The following TMEM156 variants were observed in gnomAD, a reference collection of about 807,000 sequenced individuals.
TMEM156 encodes the protein transmembrane protein 156.
TMEM156 carries 28 observed loss-of-function variants against 30.5 expected under a neutral mutation model. The ratio of observed to expected loss-of-function variants is 0.92; its 90% CI spans 0.68 to 1.26. The LOEUF (loss-of-function observed/expected upper bound fraction) is 1.26. Ranked by LOEUF, TMEM156 falls within the 50% of genes most tolerant of loss-of-function variation. TMEM156 has a pLI of 0.00. For missense variants in TMEM156, 351 were observed against 340.6 expected (o/e 1.03, Z -0.24); for synonymous variants, 137 against 119.9 (o/e 1.14, Z -0.93).
chr4:39,013,576 A>G (rs1342536065), intron 1 of TMEM156, among the ~76,000 whole-genome samples: 1 of 151,476 alleles, frequency 6.6e-6, no homozygotes, highest in Non-Finnish European at 1.5e-5. Context: ...AATTTTTTGT[A>G]TTTTAATAGA....
chr4:38,985,531 T>C (rs1363778805), intron 5 of TMEM156, among the ~76,000 whole-genome samples: 2 of 152,228 alleles, frequency 1.3e-5, no homozygotes, highest in African/African-American at 4.8e-5. Context: ...GGTGGGGGAC[T>C]GGAGGTTTGC....
chr4:38,969,410 G>A (rs932358365), intron 6 of TMEM156, among the ~76,000 whole-genome samples: 3 of 152,122 alleles, frequency 2.0e-5, no homozygotes, highest in Admixed American at 1.3e-4. Flanking sequence ...CATATGGCAC[G>A]ATTTCATTTT....
At chr4:38,987,804 A>G (rs1321104254) in intron 4 of TMEM156, among the ~76,000 whole-genome samples, 1 of 152,218 alleles carries the variant, frequency 6.6e-6, no homozygotes, top group Non-Finnish European at 1.5e-5. Context: ...TTAATGTCAC[A>G]TAGCTAGTAA....
At chr4:39,028,825 A>G (rs1560389974) in intron 1 of TMEM156, among the ~76,000 whole-genome samples, 1 of 152,254 alleles carries the variant, frequency 6.6e-6, no homozygotes, top group Non-Finnish European at 1.5e-5. Context: ...AAACCATTAT[A>G]TTAACTACTA....
chr4:38,987,865 C>T (rs1712114364), intron 4 of TMEM156, among the ~76,000 whole-genome samples: 1 of 152,062 alleles, frequency 6.6e-6, no homozygotes. Context: ...AGTGCCTATT[C>T]TTATAGTAAT....
At chr4:38,968,632 A>G (rs199717035) in intron 6 of TMEM156, among the ~76,000 whole-genome samples, 2 of 152,342 alleles carry the variant, frequency 1.3e-5, no homozygotes, top group East Asian at 3.9e-4. Flanking sequence ...GCATAATAAT[A>G]TCCAGTAATA....
At chr4:39,010,240 A>G (rs1161766480) in intron 1 of TMEM156, among the ~76,000 whole-genome samples, 1 of 152,206 alleles carries the variant, frequency 6.6e-6, no homozygotes, top group Non-Finnish European at 1.5e-5. Context: ...GATGAAAGAA[A>G]TCATAGATAA....
intron 1 of TMEM156, among the ~76,000 whole-genome samples, chr4:39,000,047 A>C (rs73236702): frequency 0.27 from 41,510 of 152,074 alleles, 6,232 homozygotes; most frequent in East Asian, 0.44. Flanking sequence ...AGACAAACAT[A>C]AGATATGGAA....
At chr4:38,969,051 A>G (rs902484852) in intron 6 of TMEM156, among the ~76,000 whole-genome samples, 8 of 152,248 alleles carry the variant, frequency 5.3e-5, no homozygotes, top group African/African-American at 1.9e-4. Context: ...TATATAATGC[A>G]TAGTGATTAG....
intron 1 of TMEM156, among the ~76,000 whole-genome samples, chr4:39,000,988 TA>T (rs35586813): frequency 6.6e-6 from 1 of 152,152 alleles, no homozygotes; most frequent in Non-Finnish European, 1.5e-5. Flanking sequence ...ATTTAATTCA[TA>T]AAAATAATCA....
intron 1 of TMEM156, among the ~76,000 whole-genome samples, chr4:39,031,887 AAAAT>A (rs1323434032): frequency 9.8e-5 from 9 of 91,530 alleles, no homozygotes; most frequent in Non-Finnish European, 1.7e-4. Context: ...TCAAAAAAAA[AAAAT>A]AAAAAATAAA....
intron 6 of TMEM156, among the ~76,000 whole-genome samples, chr4:38,969,541 G>GT (rs1722498526): frequency 6.6e-6 from 1 of 152,186 alleles, no homozygotes; most frequent in South Asian, 2.1e-4. Context: ...AAACATGTGA[G>GT]TATAGGTATC....
At chr4:39,004,093 T>A (rs1197462190) in intron 1 of TMEM156, among the ~76,000 whole-genome samples, 1 of 152,206 alleles carries the variant, frequency 6.6e-6, no homozygotes, top group Non-Finnish European at 1.5e-5. Context: ...ATTTTTGCTA[T>A]CAGGTGGACT....
intron 3 of TMEM156, among the ~76,000 whole-genome samples, chr4:38,992,677 ATATAT>A (rs1210153681): frequency 1.8e-5 from 1 of 55,608 alleles, no homozygotes; most frequent in Non-Finnish European, 3.6e-5. Flanking sequence ...TATATATATA[ATATAT>A]TATATAATAT....
intron 5 of TMEM156, among the ~76,000 whole-genome samples, chr4:38,975,755 A>G (rs1376959795): frequency 6.6e-6 from 1 of 152,086 alleles, no homozygotes; most frequent in Non-Finnish European, 1.5e-5. Context: ...CCTGATGTGC[A>G]ATACTCATTA....
chr4:39,005,146 C>T (rs10001298), intron 1 of TMEM156, among the ~76,000 whole-genome samples: 80,796 of 152,036 alleles, frequency 0.53, 21,559 homozygotes, highest in East Asian at 0.68. Flanking sequence ...TGATTCCACT[C>T]ATATGACATT....
At chr4:39,008,148 G>A (rs761754567) in intron 1 of TMEM156, among the ~76,000 whole-genome samples, 1 of 152,002 alleles carries the variant, frequency 6.6e-6, no homozygotes, top group Non-Finnish European at 1.5e-5. Flanking sequence ...TGTCAAGGAC[G>A]TTCAGTACCA....
chr4:39,014,555 T>C (rs992210988), intron 1 of TMEM156, among the ~76,000 whole-genome samples: 1 of 152,044 alleles, frequency 6.6e-6, no homozygotes, highest in African/African-American at 2.4e-5. Flanking sequence ...GGTCAGGAGT[T>C]TGAGGCCAGC....
At position 38,998,867 on chromosome 4, in the gene TMEM156, G is replaced by T; in HGVS notation, c.131C>A (p.Ser44Tyr). ...ELSCLEVCLQSNFTYSLSSLN... is the reference protein window; with the variant it reads ...ELSCLEVCLQYNFTYSLSSLN... Reference sequence around the variant, plus strand: ...GGAGGAGAGTGAATAGGTAAAATTAGATTGCAAACACACTTCCAGACATGA... The same window carrying T: ...GGAGGAGAGTGAATAGGTAAAATTATATTGCAAACACACTTCCAGACATGA... Residue 44 changes from serine to tyrosine, a missense_variant, in exon 2 of 7, where the codon TCT becomes TAT. Physicochemically the swap from Ser to Tyr is moderately radical, Grantham distance 144. Transcript: ENST00000381938. 6.2e-7 allele frequency: 1 copy of T among 1,613,682 alleles called. No homozygotes were observed. Among genetic ancestry groups the T allele is most frequent in the Non-Finnish European group, 8.5e-7 (1 of 1,179,862 alleles).
Sources: allele counts gnomAD v4.1 joint callset (sites outside exome capture counted in the v4.1 genomes callset), GRCh38; gene constraint gnomAD v4.1.1; transcripts MANE v1.5; gene names NCBI Gene and HGNC (gene_info 2026-07-23, HGNC 2026-07-21).